The following KIAA1217 variants were observed in gnomAD, a reference collection of about 807,000 sequenced individuals.
KIAA1217 encodes the protein sickle tail protein homolog.
Under a neutral mutation model 163.9 loss-of-function variants are expected in KIAA1217, and 88 were observed. The observed-to-expected ratio is 0.54, with a 90% CI of 0.45 to 0.64. The LOEUF is 0.64. Among genes scored for constraint, KIAA1217 ranks in the 30% least tolerant of loss-of-function variants. The pLI is 0.00. For synonymous variants in KIAA1217, 903 were observed against 923.1 expected, an observed-to-expected ratio of 0.98 and a Z score of 0.39; for missense variants, 2,372 against 2,475.0, an observed-to-expected ratio of 0.96 and a Z score of 0.88.
At chr10:24,019,853 G>GA (rs1847659550) in intron 2 of KIAA1217, among the ~76,000 whole-genome samples, 2 of 151,430 alleles carry the variant, frequency 1.3e-5, no homozygotes, top group Non-Finnish European at 2.9e-5. Flanking sequence ...ACTCTAAAAA[G>GA]AAAAAAAGAA....
chr10:23,706,724 T>G (rs12358941), intron 1 of KIAA1217, among the ~76,000 whole-genome samples: 2 of 152,078 alleles, frequency 1.3e-5, no homozygotes, highest in Non-Finnish European at 2.9e-5. Context: ...CTTGTGATAT[T>G]TTTGTCTGGT....
chr10:24,495,153 AATG>A lies in KIAA1217; in HGVS notation c.1796_1798del (p.Met599del), dbSNP rs1329296070. On this transcript the variant is annotated inframe_deletion, in exon 8 of 21. Coordinates refer to ENST00000376454, the MANE Select transcript of KIAA1217 (RefSeq NM_019590.5). ...CTCTTTTTCTTTTATTCAGCGAGAA[AATG>A]ATGAAAACCACAGCCAACAGGAACC... The A allele has an allele frequency of 6.2e-7, 1 of 1,612,884 alleles. No individual in the cohort carries two copies. Among genetic ancestry groups the A allele is most frequent in the Non-Finnish European group, 8.5e-7 (1 of 1,179,660 alleles).
At chr10:24,359,349 T>G (rs1339246939) in intron 2 of KIAA1217, among the ~76,000 whole-genome samples, 4 of 152,130 alleles carry the variant, frequency 2.6e-5, no homozygotes, top group Non-Finnish European at 5.9e-5. Flanking sequence ...CGCCTCGGCC[T>G]CCCAAAGTGT....
chr10:23,930,088 T>C (rs1843197213), intron 1 of KIAA1217, among the ~76,000 whole-genome samples: 1 of 152,170 alleles, frequency 6.6e-6, no homozygotes, highest in Non-Finnish European at 1.5e-5. Context: ...TTCTGACTGG[T>C]GTGAGATGAT....
chr10:24,029,072 A>G (rs1379105148), intron 2 of KIAA1217, among the ~76,000 whole-genome samples: 4 of 152,144 alleles, frequency 2.6e-5, no homozygotes, highest in Non-Finnish European at 5.9e-5. Context: ...ATGAAAAATA[A>G]ATTTATACTT....
chr10:23,786,123 G>A (rs577459062), intron 1 of KIAA1217, among the ~76,000 whole-genome samples: 1 of 152,134 alleles, frequency 6.6e-6, no homozygotes, highest in South Asian at 2.1e-4. Context: ...AAAGTCCATG[G>A]AATTAACAAA....
chr10:23,704,172 G>GTGTGTGTGTGTGTGTGTATATATA (rs1229370789), intron 1 of KIAA1217, among the ~76,000 whole-genome samples: 2 of 39,922 alleles, frequency 5.0e-5, no homozygotes, highest in African/African-American at 2.7e-4. Flanking sequence ...GTGTGTGTGT[G>GTGTGTGTGTGTGTGTGTATATATA]TATATATATA....
At chr10:24,435,297 TAATC>T (rs2059931985) in intron 4 of KIAA1217, among the ~76,000 whole-genome samples, 1 of 152,260 alleles carries the variant, frequency 6.6e-6, no homozygotes, top group African/African-American at 2.4e-5. Flanking sequence ...ACTAAATTAT[TAATC>T]AAGCTGTCAC....
chr10:24,530,202 T>C (rs371914324), intron 14 of KIAA1217, among the ~76,000 whole-genome samples: 1 of 152,206 alleles, frequency 6.6e-6, no homozygotes, highest in Non-Finnish European at 1.5e-5. Flanking sequence ...CTTCTCATGA[T>C]TGAACAACAA....
At chr10:23,951,143 T>A (rs1161069717) in intron 1 of KIAA1217, among the ~76,000 whole-genome samples, 1 of 152,096 alleles carries the variant, frequency 6.6e-6, no homozygotes, top group Non-Finnish European at 1.5e-5. Context: ...GTGGACCTAA[T>A]CCCATTCTGG....
At chr10:23,755,901 A>G (rs1833896619) in intron 1 of KIAA1217, among the ~76,000 whole-genome samples, 1 of 152,178 alleles carries the variant, frequency 6.6e-6, no homozygotes, top group African/African-American at 2.4e-5. Context: ...ATATCACATA[A>G]TAACCAATAC....
chr10:23,899,843 A>G (rs950532425), intron 1 of KIAA1217, among the ~76,000 whole-genome samples: 17 of 152,078 alleles, frequency 1.1e-4, no homozygotes, highest in Non-Finnish European at 2.4e-4. Context: ...TACACCTACT[A>G]GGTAAAATAC....
chr10:24,160,371 A>G (rs1343327687), intron 2 of KIAA1217, among the ~76,000 whole-genome samples: 1 of 151,908 alleles, frequency 6.6e-6, no homozygotes, highest in Non-Finnish European at 1.5e-5. Flanking sequence ...ATATCTCTCC[A>G]TTTATTTAGG....
At chr10:23,827,464 A>C in intron 1 of KIAA1217, among the ~76,000 whole-genome samples, 1 of 152,236 alleles carries the variant, frequency 6.6e-6, no homozygotes, top group African/African-American at 2.4e-5. Context: ...TATACTCAAT[A>C]AACGTTTGTT....
At chr10:23,775,702 T>A (rs1040151083) in intron 1 of KIAA1217, among the ~76,000 whole-genome samples, 11 of 152,234 alleles carry the variant, frequency 7.2e-5, no homozygotes, top group African/African-American at 2.7e-4. Flanking sequence ...GGACTATACC[T>A]TTTAGGTCAT....
At chr10:24,514,123 C>A (rs1326101728) in intron 10 of KIAA1217, among the ~76,000 whole-genome samples, 4 of 152,104 alleles carry the variant, frequency 2.6e-5, no homozygotes, top group African/African-American at 9.7e-5. Context: ...TTTTATTACT[C>A]CCCCGTCACC....
chr10:24,261,540 C>CTCTT (rs2075728388), intron 2 of KIAA1217, among the ~76,000 whole-genome samples: 1 of 151,744 alleles, frequency 6.6e-6, no homozygotes, highest in Non-Finnish European at 1.5e-5. Context: ...CTGAGCTGAC[C>CTCTT]TCTTGTACTC....
rs147776840 is a variant in KIAA1217, at chr10:24,352,466, G to C, written c.355-28403G>C. 2.6e-5 allele frequency among the ~76,000 whole-genome samples: 4 copies of C among 152,232 alleles called. No individual in the cohort carries two copies. The East Asian group carries it at 7.7e-4, about 29-fold the overall frequency. On this transcript the variant is annotated intron_variant, in intron 2 of 20. Coordinates refer to ENST00000376454, the MANE Select transcript of KIAA1217 (RefSeq NM_019590.5). Reference sequence around the variant, plus strand: ...GCTGATCTGCCTATTATAGATTATGGTGGCCAAAGCACCACCCTTCTATTA... The same window carrying C: ...GCTGATCTGCCTATTATAGATTATGCTGGCCAAAGCACCACCCTTCTATTA...
At chr10:23,943,967 A>G (rs568076876) in intron 1 of KIAA1217, among the ~76,000 whole-genome samples, 3 of 152,352 alleles carry the variant, frequency 2.0e-5, no homozygotes, top group Non-Finnish European at 4.4e-5. Flanking sequence ...GCTAAAACTA[A>G]AAAACATCTA....
Sources: gnomAD v4.1 joint callset for allele counts (sites outside exome capture counted in the v4.1 genomes callset) on GRCh38, gnomAD v4.1.1 for gene constraint, MANE v1.5 for transcripts, NCBI Gene and HGNC (gene_info 2026-07-23, HGNC 2026-07-21) for gene names.